The following FER1L5 variants were observed in gnomAD, a reference collection of about 807,000 sequenced individuals.
FER1L5 encodes the protein fer-1-like protein 5.
Under a neutral mutation model 279.9 loss-of-function variants are expected in FER1L5, and 187 were observed. The observed-to-expected ratio is 0.67, with a 90% CI of 0.59 to 0.75. The LOEUF (loss-of-function observed/expected upper bound fraction) is 0.75. FER1L5 is among the 30% of genes least tolerant of loss of function. The probability of loss-of-function intolerance (pLI) is 0.00; values close to 1 mark genes in which losing one functional copy is unlikely to be tolerated. For synonymous variants in FER1L5, 921 were observed against 989.7 expected (o/e 0.93, Z 1.30); for missense variants, 2,091 against 2,594.4 (o/e 0.81, Z 4.21).
At position 96,689,647 on chromosome 2, in the gene FER1L5, C is replaced by G; in HGVS notation, c.2529C>G (p.Leu843=). ...DSWTVEPQRR[L]LLDIDINKSQ... ...CTTGGGGTCTCATTACCCCCAGGCTCCTCCTGGACATAGACATCAACAAGA... is the reference window on the plus strand; with the variant it reads ...CTTGGGGTCTCATTACCCCCAGGCTGCTCCTGGACATAGACATCAACAAGA... The change falls in exon 26 of 53, where the codon CTC becomes CTG. Residue 843 remains leucine (L), a synonymous_variant. Coordinates refer to ENST00000624922, the MANE Select transcript of FER1L5 (RefSeq NM_001293083.2). The surrounding 1 kb of genome is among the most constrained non-coding windows in gnomAD (Gnocchi z 4.6). 1 of 1,550,600 alleles carries G rather than the reference C, an allele frequency of 6.4e-7. No individual in the cohort carries two copies. Among genetic ancestry groups the G allele is most frequent in the South Asian group, 1.2e-5 (1 of 84,038 alleles).
intron 17 of FER1L5, 35 bp downstream of exon 17, chr2:96,669,172 A>T: frequency 6.5e-7 from 1 of 1,534,070 alleles, no homozygotes; most frequent in Non-Finnish European, 8.8e-7. Context: ...GGTACAGTGG[A>T]GGTAGAGCTT....
chr2:96,697,440 C>A, intron 37 of FER1L5, 86 bp from the exon 38 acceptor site: 1 of 1,470,530 alleles, frequency 6.8e-7, no homozygotes, highest in Non-Finnish European at 9.4e-7. Flanking sequence ...ACCAGGGAAG[C>A]TCTGGCCTCA....
At position 96,687,915 on chromosome 2, in the gene FER1L5, C is replaced by T. The variant is rs557413688; in HGVS notation, c.2329C>T (p.Arg777Cys). 8 of 1,551,056 alleles carry T rather than the reference C, an allele frequency of 5.2e-6. No individual in the cohort carries two copies. The highest frequency in any genetic ancestry group is 2.4e-5 in the East Asian group (1 of 40,896). The change falls in exon 24 of 53, where the codon CGC becomes TGC. Residue 777 changes from arginine (R) to cysteine (C), a missense_variant. Coordinates refer to ENST00000624922, the MANE Select transcript of FER1L5 (RefSeq NM_001293083.2). ...VTDSKDLQLL[R>C]QGDTAVYAEM... Reference sequence around the variant, plus strand: ...AGACAGCAAGGACCTGCAGCTGCTCCGCCAGGGTGACACAGCGGTGTACGC... The same window carrying T: ...AGACAGCAAGGACCTGCAGCTGCTCTGCCAGGGTGACACAGCGGTGTACGC...
chr2:96,691,799 C>T lies in FER1L5; in HGVS notation c.3076-26C>T. ...GGAAACAGGAGCAGCACCCAAGAGC[C>T]TCAGGGGAGACTGTCCTGGGTACAG... On this transcript the variant is annotated intron_variant, in intron 29 of 52. Transcript: ENST00000624922. This position sits in a 1 kb window ranked among gnomAD's most constrained non-coding sequence, Gnocchi z 6.0. The T allele has an allele frequency of 1.9e-6, 3 of 1,551,650 alleles. No individual in the cohort carries two copies.
At chr2:96,663,120 T>C (rs767248158) in intron 13 of FER1L5, among the ~76,000 whole-genome samples, 16 of 152,244 alleles carry the variant, frequency 1.1e-4, no homozygotes, top group Non-Finnish European at 1.9e-4. Context: ...GATCTCAGAA[T>C]TTATCTAGCA....
rs759625208 is a variant in FER1L5, at chr2:96,700,045, T to C, written c.4895T>C (p.Phe1632Ser). 40 of 1,613,908 alleles carry C rather than the reference T, an allele frequency of 2.5e-5. No individual in the cohort carries two copies. The highest frequency in any genetic ancestry group is 3.1e-5 in the Non-Finnish European group (36 of 1,179,906). ...PLFSPEEDAV[F>S]YNGKKFKLQS... is the part of the protein sequence containing the mutation. ...TTCAGTCCTGAGGAAGATGCTGTTT[T>C]CTATAATGGGAAAAAGTTCAAGCTG... is the stretch of plus-strand genomic sequence containing the variant. The change falls in exon 44 of 53, where the codon TTC (phenylalanine) becomes TCC (serine). Residue 1632 changes from phenylalanine (F) to serine (S), a missense_variant. Phe to Ser is a radical substitution (Grantham distance 155). Coordinates refer to ENST00000624922, the MANE Select transcript of FER1L5 (RefSeq NM_001293083.2).
chr2:96,704,364 T>C lies in FER1L5; in HGVS notation c.5949+2T>C. The C allele has an allele frequency of 6.2e-7, 1 of 1,613,778 alleles. No individual in the cohort carries two copies. Among genetic ancestry groups the C allele is most frequent in the Non-Finnish European group, 8.5e-7 (1 of 1,179,722 alleles). On this transcript the variant is annotated splice_donor_variant, in intron 52 of 52. Coordinates refer to ENST00000624922, the MANE Select transcript of FER1L5 (RefSeq NM_001293083.2). LOFTEE classifies it high-confidence loss of function. Reference sequence around the variant, plus strand: ...TTTAACTTCATCTATTCAGCTCCGGTGAGTGGCAGCCATGGGGGCAAGGAC... The same window carrying C: ...TTTAACTTCATCTATTCAGCTCCGGCGAGTGGCAGCCATGGGGGCAAGGAC...
rs1359942143 is a variant in FER1L5 at position 96,701,833 on chromosome 2, C to A, written c.5071-122C>A. The stretch of plus-strand genomic sequence containing the variant: ...CGGCCTCACAGATATCTCTGTACCC[C>A]ACCCCTCGGTGTTGGGAACACAACC... On this transcript the variant is annotated intron_variant, in intron 45 of 52. Transcript: ENST00000624922. 7.1e-6 allele frequency: 6 copies of A among 847,824 alleles called. No individual in the cohort carries two copies. The South Asian group carries it at 8.3e-5, about 12-fold the overall frequency. The allele number at this position is 847,824 out of a possible 1,614,324, so 52.5% of individuals were successfully genotyped here.
intron 19 of FER1L5, 82 bp downstream of exon 19, chr2:96,673,336 T>C: frequency 7.4e-7 from 1 of 1,347,678 alleles, no homozygotes; most frequent in South Asian, 1.5e-5. Flanking sequence ...GGGTATTAGC[T>C]CATGGAAGAT....
In FER1L5 at chr2:96,689,962, CTG is replaced by C. The variant is rs573222659; in HGVS notation, c.2640+205_2640+206del. ...GTTTGTAGAAATACCTTAAATAAGACTGAGAAACAACAAAAGGGAGGCAATGT... is the reference window on the plus strand; with the variant it reads ...GTTTGTAGAAATACCTTAAATAAGACAGAAACAACAAAAGGGAGGCAATGT... On this transcript the variant is annotated intron_variant, in intron 26 of 52. Transcript: ENST00000624922. The surrounding 1 kb of genome is among the most constrained non-coding windows in gnomAD (Gnocchi z 4.6). Among the ~76,000 whole-genome samples, 52 of 152,292 alleles carry C rather than the reference CTG, an allele frequency of 3.4e-4. No individual in the cohort carries two copies. The highest frequency in any genetic ancestry group is 9.6e-4 in the African/African-American group (40 of 41,562).
At chr2:96,648,677 G>A (rs763753891) in intron 4 of FER1L5, among the ~76,000 whole-genome samples, 2 of 152,228 alleles carry the variant, frequency 1.3e-5, no homozygotes, top group Non-Finnish European at 2.9e-5. Context: ...CTACAAGTCT[G>A]ACTTAGAGCA....
rs368286386 is a variant in FER1L5 at position 96,680,081 on chromosome 2, G to A, written c.1670-4246G>A. Among the ~76,000 whole-genome samples the A allele has an allele frequency of 1.1e-4, 17 of 152,162 alleles. No homozygotes were observed. In the East Asian group the frequency reaches 1.5e-3, roughly 14 times the overall value. ...TCCCGCAGGTGGCTGCTGCTGCTGCGCTTCACCCCTTGGCTTCGGTGGCGG... is the reference window on the plus strand; with the variant it reads ...TCCCGCAGGTGGCTGCTGCTGCTGCACTTCACCCCTTGGCTTCGGTGGCGG... On this transcript the variant is annotated intron_variant, in intron 19 of 52. Coordinates refer to ENST00000624922, the MANE Select transcript of FER1L5 (RefSeq NM_001293083.2).
chr2:96,696,129 C>T, intron 37 of FER1L5, 52 bp downstream of exon 37: 2 of 1,609,832 alleles, frequency 1.2e-6, no homozygotes, highest in Non-Finnish European at 1.7e-6. Context: ...CGGGGTATAA[C>T]CCTTGGGCCT....
intron 17 of FER1L5, 52 bp downstream of exon 17, chr2:96,669,189 G>T: frequency 1.3e-6 from 2 of 1,514,588 alleles, no homozygotes; most frequent in Non-Finnish European, 1.8e-6. Flanking sequence ...GCTTCCCCAT[G>T]TAAAGCACTA....
At chr2:96,676,572 C>A in intron 19 of FER1L5, among the ~76,000 whole-genome samples, 1 of 150,596 alleles carries the variant, frequency 6.6e-6, no homozygotes, top group African/African-American at 2.4e-5. Context: ...ATAAGCTCAA[C>A]AATTTCTACA....
intron 21 of FER1L5, 97 bp downstream of exon 21, chr2:96,685,526 C>A: frequency 9.7e-7 from 1 of 1,026,828 alleles, no homozygotes; most frequent in Non-Finnish European, 1.4e-6. Flanking sequence ...TCCCCCCGCC[C>A]TCCTCGGGGA....
intron 17 of FER1L5, 133 bp from the exon 18 acceptor site, chr2:96,669,986 G>A (rs141330384): frequency 1.2e-5 from 15 of 1,220,808 alleles, no homozygotes; most frequent in Admixed American, 4.7e-5. Flanking sequence ...ATTCTTCTCC[G>A]GGATTGTGGT....
rs772718482 is a variant in FER1L5 at position 96,651,964 on chromosome 2, G to A, written c.577G>A (p.Ala193Thr). ...NIKPVVKVSIAGQQHQTRIKM... is the reference protein window; with the variant it reads ...NIKPVVKVSITGQQHQTRIKM... ...CAAACCAGTGGTGAAGGTGTCCATC[G>A]CAGGCCAGCAGCACCAGACACGCAT... Residue 193 changes from alanine (A) to threonine (T), a missense_variant, in exon 7 of 53, where the codon GCA becomes ACA. Physicochemically the swap from Ala to Thr is moderately conservative, Grantham distance 58 (BLOSUM62 0). Coordinates refer to ENST00000624922, the MANE Select transcript of FER1L5 (RefSeq NM_001293083.2). 23 of 1,551,758 alleles carry A rather than the reference G, an allele frequency of 1.5e-5. 2 individuals carry two copies. In the East Asian group the frequency reaches 4.4e-4, roughly 30 times the overall value.
intron 19 of FER1L5, among the ~76,000 whole-genome samples, chr2:96,673,719 C>T (rs943936256): frequency 3.9e-5 from 6 of 152,154 alleles, no homozygotes; most frequent in Non-Finnish European, 8.8e-5. Context: ...TATAGAGCAG[C>T]GGCTCTCAGA....
Sources: gnomAD v4.1 joint callset for allele counts (sites outside exome capture counted in the v4.1 genomes callset) on GRCh38, gnomAD v4.1.1 for gene constraint, Gnocchi (gnomAD v3.1) non-coding constraint, MANE v1.5 for transcripts, NCBI Gene and HGNC (gene_info 2026-07-23, HGNC 2026-07-21) for gene names.